The following TMC1 variants were observed in gnomAD, a reference collection of about 807,000 sequenced individuals.
TMC1 encodes the protein transmembrane channel like 1, also known as transmembrane channel-like protein 1.
Under a neutral mutation model 105.8 loss-of-function variants are expected in TMC1, and 84 were observed. The observed-to-expected ratio is 0.79, with a 90% CI of 0.67 to 0.95. The LOEUF (loss-of-function observed/expected upper bound fraction) is 0.95. TMC1 is among the 40% of genes least tolerant of loss of function. The pLI, the probability that TMC1 is intolerant of heterozygous loss-of-function variation, is 0.00. For missense variants in TMC1, 817 were observed against 914.1 expected, an observed-to-expected ratio of 0.89 and a Z score of 1.37; for synonymous variants, 315 against 311.5, an observed-to-expected ratio of 1.01 and a Z score of -0.12.
chr9:72,754,719 T>G, intron 11 of TMC1, 67 bp from the exon 12 acceptor site: 2 of 1,265,584 alleles, frequency 1.6e-6, no homozygotes, highest in Non-Finnish European at 2.3e-6. Context: ...CAAAACCATT[T>G]GTGATCACAT....
intron 1 of TMC1, among the ~76,000 whole-genome samples, chr9:72,576,845 G>A (rs1269941781): frequency 6.6e-6 from 1 of 151,720 alleles, no homozygotes; most frequent in Non-Finnish European, 1.5e-5. Context: ...TGGCCAGGGT[G>A]GTCTGGATCT....
At chr9:72,660,258 A>C (rs1825952863) in intron 5 of TMC1, among the ~76,000 whole-genome samples, 1 of 152,152 alleles carries the variant, frequency 6.6e-6, no homozygotes, top group Non-Finnish European at 1.5e-5. Flanking sequence ...TATGCAAGTT[A>C]AATTTGCAAC....
intron 1 of TMC1, among the ~76,000 whole-genome samples, chr9:72,532,127 C>A (rs1273013727): frequency 6.6e-6 from 1 of 151,752 alleles, no homozygotes. Flanking sequence ...GATGGAGTTT[C>A]ACCATGTTGG....
rs72200654 is a variant in TMC1, at chr9:72,700,713, CATATATAT to C, written c.362+94_362+101del. ...GATTTTCTAAATCCTCTGAATATTC[CATATATAT>C]ATATATATATATATATATATATACA... On this transcript the variant is annotated intron_variant, in intron 8 of 23. Transcript: ENST00000297784. The C allele has an allele frequency of 0.076, 23,924 of 314,490 alleles. 629 individuals carry two copies. Among genetic ancestry groups the C allele is most frequent in the Middle Eastern group, 0.1 (88 of 868 alleles). The allele number at this position is 314,490 out of a possible 1,614,324, so 19.5% of individuals were successfully genotyped here.
intron 5 of TMC1, among the ~76,000 whole-genome samples, chr9:72,680,869 A>G (rs983668021): frequency 5.3e-5 from 8 of 152,276 alleles, no homozygotes; most frequent in South Asian, 2.1e-4. Flanking sequence ...ATGCTTCTTT[A>G]TGCCTTAGGA....
At position 72,816,029 on chromosome 9, in the gene TMC1, C is replaced by A. The variant is rs562940983; in HGVS notation, c.1696-114C>A. The A allele has an allele frequency of 3.6e-5, 31 of 858,288 alleles. 1 individual carries two copies. The highest frequency in any genetic ancestry group is 5.6e-5 in the Non-Finnish European group (28 of 500,896). 53.2% of individuals were successfully genotyped at this position (858,288 alleles called of 1,614,324 possible). ...GTTACTTATCCTAGTGATTATTCTGCTATTGTTGCTGAAGGGAAGTAATTG... is the reference window on the plus strand; with the variant it reads ...GTTACTTATCCTAGTGATTATTCTGATATTGTTGCTGAAGGGAAGTAATTG... On this transcript the variant is annotated intron_variant, in intron 18 of 23. Coordinates refer to ENST00000297784, the MANE Select transcript of TMC1 (RefSeq NM_138691.3).
At chr9:72,743,172 C>T (rs1434358059) in intron 10 of TMC1, among the ~76,000 whole-genome samples, 1 of 151,630 alleles carries the variant, frequency 6.6e-6, no homozygotes, top group East Asian at 1.9e-4. Context: ...TCGAGACCAT[C>T]CCGGCTAAAA....
chr9:72,790,269 A>G (rs1278880074), intron 15 of TMC1, among the ~76,000 whole-genome samples: 2 of 152,340 alleles, frequency 1.3e-5, no homozygotes, highest in East Asian at 3.9e-4. Flanking sequence ...TTTCTAAAAA[A>G]TCTTGGACAG....
chr9:72,757,584 T>C (rs895274814), intron 12 of TMC1, among the ~76,000 whole-genome samples: 8 of 152,206 alleles, frequency 5.3e-5, no homozygotes, highest in African/African-American at 1.9e-4. Flanking sequence ...ACAACATTCA[T>C]TTAGTTTCAT....
At chr9:72,641,292 C>T (rs1290610016) in intron 4 of TMC1, among the ~76,000 whole-genome samples, 1 of 152,034 alleles carries the variant, frequency 6.6e-6, no homozygotes, top group Non-Finnish European at 1.5e-5. Context: ...TGGTGCTTTA[C>T]CATGTTGGCT....
chr9:72,608,578 G>A (rs185975281), intron 2 of TMC1, among the ~76,000 whole-genome samples: 68 of 152,064 alleles, frequency 4.5e-4, no homozygotes, highest in Non-Finnish European at 4.4e-5. Context: ...TTGGTGGTGC[G>A]TGCCTGTAAT....
intron 1 of TMC1, among the ~76,000 whole-genome samples, chr9:72,570,676 C>CTTTTTTTTTTTTT (rs529953890): frequency 1.3e-5 from 1 of 75,614 alleles, no homozygotes; most frequent in Non-Finnish European, 2.3e-5. Flanking sequence ...GCCAAATTTC[C>CTTTTTTTTTTTTT]TTTTTTTTTT....
chr9:72,740,933 A>T (rs1346371150), intron 9 of TMC1, among the ~76,000 whole-genome samples: 1 of 152,070 alleles, frequency 6.6e-6, no homozygotes, highest in Non-Finnish European at 1.5e-5. Flanking sequence ...GTATCTATGC[A>T]TTTGTTTCTG....
intron 7 of TMC1, among the ~76,000 whole-genome samples, chr9:72,698,324 A>G (rs181054354): frequency 6.6e-6 from 1 of 152,366 alleles, no homozygotes; most frequent in East Asian, 1.9e-4. Context: ...CAGTAATCAT[A>G]GCATGATTAA....
intron 13 of TMC1, among the ~76,000 whole-genome samples, chr9:72,783,776 A>G (rs1336069395): frequency 1.3e-5 from 2 of 152,184 alleles, no homozygotes; most frequent in African/African-American, 4.8e-5. Flanking sequence ...GTTAACAAAA[A>G]CAAGCAATGG....
At chr9:72,699,956 CAAAAAAAAAAA>C (rs61062887) in intron 7 of TMC1, among the ~76,000 whole-genome samples, 6 of 46,582 alleles carry the variant, frequency 1.3e-4, no homozygotes, top group Non-Finnish European at 2.1e-4. Flanking sequence ...GACTCTGTCT[CAAAAAAAAAAA>C]AAAAAAAAAA....
chr9:72,721,353 T>A (rs1827021957), intron 8 of TMC1, among the ~76,000 whole-genome samples: 1 of 152,218 alleles, frequency 6.6e-6, no homozygotes, highest in Admixed American at 6.5e-5. Flanking sequence ...CTCTGGCCTT[T>A]GGAAGCTTAG....
intron 13 of TMC1, among the ~76,000 whole-genome samples, chr9:72,777,299 C>T (rs1390717505): frequency 6.6e-6 from 1 of 152,054 alleles, no homozygotes; most frequent in African/African-American, 2.4e-5. Flanking sequence ...CCCATTTTCC[C>T]ACCCCCAATT....
At chr9:72,767,235 C>T (rs760435000) in intron 12 of TMC1, among the ~76,000 whole-genome samples, 8 of 152,212 alleles carry the variant, frequency 5.3e-5, no homozygotes, top group Non-Finnish European at 7.3e-5. Context: ...AAAATTATAT[C>T]TTCCTTTCCT....
Sources: gnomAD v4.1 joint callset for allele counts (sites outside exome capture counted in the v4.1 genomes callset) on GRCh38, gnomAD v4.1.1 for gene constraint, MANE v1.5 for transcripts, NCBI Gene and HGNC (gene_info 2026-07-23, HGNC 2026-07-21) for gene names.